The following GALR1 variants were observed in gnomAD, a reference collection of about 807,000 sequenced individuals.
The protein encoded by GALR1 is galanin receptor type 1.
GALR1 carries 11 observed loss-of-function variants against 17.9 expected under a neutral mutation model. The ratio of observed to expected loss-of-function variants is 0.62; its 90% CI spans 0.39 to 1.02. GALR1 has a LOEUF of 1.02. Among genes scored for constraint, GALR1 ranks in the 50% least tolerant of loss-of-function variants. The probability of loss-of-function intolerance (pLI) is 0.01; values close to 1 mark genes in which losing one functional copy is unlikely to be tolerated. For synonymous variants in GALR1, 206 were observed against 205.7 expected, an observed-to-expected ratio of 1.00 and a Z score of -0.01; for missense variants, 441 against 456.9, an observed-to-expected ratio of 0.97 and a Z score of 0.32.
In GALR1 at chr18:77,251,019, C is replaced by A. The variant is rs770393593; in HGVS notation, c.471C>A (p.Gly157=). 3 of 1,605,528 alleles carry A rather than the reference C, an allele frequency of 1.9e-6. No individual in the cohort carries two copies. The African/African-American group carries it at 4.0e-5, about 21-fold the overall frequency. Residue 157 remains glycine (G), a synonymous_variant, in exon 1 of 3, where the codon GGC becomes GGA. Transcript: ENST00000299727. ...CCCGCAACGCGCTGCTGGGCGTGGG[C>A]TGCATCTGGGCGCTGTCCATTGCCA... ...RVSRNALLGV[G]CIWALSIAMA...
intron 2 of GALR1, among the ~76,000 whole-genome samples, chr18:77,267,564 G>T (rs1912970009): frequency 6.6e-6 from 1 of 152,210 alleles, no homozygotes; most frequent in Non-Finnish European, 1.5e-5. Flanking sequence ...TTGTGTGTGG[G>T]TTTTGAGCTG....
Position 77,271,439 on chromosome 18 carries a change from T to G in GALR1, c.*2537T>G, listed in dbSNP as rs1406002532. 1 of 152,194 alleles carries G rather than the reference T, an allele frequency of 6.6e-6. No individual in the cohort carries two copies. The highest frequency in any genetic ancestry group is 1.5e-5 in the Non-Finnish European group (1 of 68,042). 9.4% of individuals were successfully genotyped at this position (152,194 alleles called of 1,614,324 possible). On this transcript the variant is annotated 3_prime_UTR_variant, in exon 3 of 3. Transcript: ENST00000299727. Reference sequence around the variant, plus strand: ...CAAAGATCTAAACCTCTACAAAATTTTCTGAATAAAGAGTTTCAGAAGAAC... The same window carrying G: ...CAAAGATCTAAACCTCTACAAAATTGTCTGAATAAAGAGTTTCAGAAGAAC...
Position 77,267,589 on chromosome 18 carries a change from C to A in GALR1, c.733-996C>A, listed in dbSNP as rs146978001. Among the ~76,000 whole-genome samples, 476 of 152,262 alleles carry A rather than the reference C, an allele frequency of 3.1e-3. 11 individuals carry two copies. The highest frequency in any genetic ancestry group is 0.027 in the Admixed American group (412 of 15,288). On this transcript the variant is annotated intron_variant, in intron 2 of 2. Coordinates refer to ENST00000299727, the MANE Select transcript of GALR1 (RefSeq NM_001480.4). ...GTTTTGAGCTGCACTTGTTAGAGAA[C>A]CATCTGTTTGAGGAGAGAACCAACT...
At chr18:77,266,166 C>T (rs952572863) in intron 2 of GALR1, among the ~76,000 whole-genome samples, 7 of 152,172 alleles carry the variant, frequency 4.6e-5, no homozygotes, top group Non-Finnish European at 1.0e-4. Context: ...CAAAGTTCCA[C>T]AGATCTCTAG....
At chr18:77,257,741 G>T (rs1912623465) in intron 2 of GALR1, among the ~76,000 whole-genome samples, 1 of 152,176 alleles carries the variant, frequency 6.6e-6, no homozygotes, top group Admixed American at 6.5e-5. Flanking sequence ...AGAGGAACTG[G>T]CTCCGCATGG....
chr18:77,261,542 G>C (rs1032424397), intron 2 of GALR1, among the ~76,000 whole-genome samples: 1 of 152,096 alleles, frequency 6.6e-6, no homozygotes, highest in Non-Finnish European at 1.5e-5. Context: ...CATAAACAAC[G>C]GAAATGTATT....
chr18:77,262,622 C>A (rs557939147), intron 2 of GALR1, among the ~76,000 whole-genome samples: 4 of 152,270 alleles, frequency 2.6e-5, no homozygotes, highest in East Asian at 3.9e-4. Flanking sequence ...AACCAGGAGG[C>A]CTTCAACTTC....
intron 2 of GALR1, among the ~76,000 whole-genome samples, chr18:77,263,722 ACAT>A (rs1464663686): frequency 6.6e-6 from 1 of 152,048 alleles, no homozygotes; most frequent in Non-Finnish European, 1.5e-5. Flanking sequence ...TCTTTGATAA[ACAT>A]CATTTCACGT....
chr18:77,252,950 T>TCACCACCACCACCACCACCACCACCAC (rs1912485693), intron 1 of GALR1, among the ~76,000 whole-genome samples: 3 of 25,274 alleles, frequency 1.2e-4, no homozygotes, highest in Non-Finnish European at 8.4e-5. Flanking sequence ...ACCACCACCA[T>TCACCACCACCACCACCACCACCACCAC]CACCACCATC....
rs958214776 is a variant in GALR1 at position 77,269,018 on chromosome 18, C to T, written c.*116C>T. ...TTGTTATCTTAACAAGAATTCAAGT[C>T]GTTTTAATTAAATCCCACGTGTGTT... On this transcript the variant is annotated 3_prime_UTR_variant, in exon 3 of 3. Coordinates refer to ENST00000299727, the MANE Select transcript of GALR1 (RefSeq NM_001480.4). 4.9e-5 allele frequency: 39 copies of T among 801,466 alleles called. No homozygotes were observed. In the South Asian group the frequency reaches 6.6e-4, roughly 13 times the overall value. 49.6% of individuals were successfully genotyped at this position (801,466 alleles called of 1,614,324 possible).
chr18:77,264,133 C>CAA (rs56102250), intron 2 of GALR1, among the ~76,000 whole-genome samples: 32 of 57,272 alleles, frequency 5.6e-4, no homozygotes, highest in Non-Finnish European at 6.4e-4. Context: ...GACTCCATCT[C>CAA]AAAAAAAAAA....
In GALR1 at chr18:77,250,673, T is replaced by C. The variant is rs762227529; in HGVS notation, c.125T>C (p.Leu42Pro). The stretch of plus-strand genomic sequence containing the variant: ...TTCGTCACGCTGGTGGTGTTCGGCC[T>C]GATCTTCGCGCTGGGTGTGCTGGGC... ...ENFVTLVVFG[L>P]IFALGVLGNS... The change falls in exon 1 of 3, where the codon CTG becomes CCG. Residue 42 changes from leucine (L) to proline (P), a missense_variant. By Grantham distance (98) the Leu-to-Pro change is moderately conservative (BLOSUM62 -3). Transcript: ENST00000299727. 1.9e-6 allele frequency: 3 copies of C among 1,612,282 alleles called. No individual in the cohort carries two copies. Among genetic ancestry groups the C allele is most frequent in the African/African-American group, 2.7e-5 (2 of 74,990 alleles).
chr18:77,267,068 A>G (rs1388164552), intron 2 of GALR1, among the ~76,000 whole-genome samples: 1 of 152,210 alleles, frequency 6.6e-6, no homozygotes, highest in Admixed American at 6.5e-5. Context: ...TTTGCGCTTA[A>G]TGTTCCTTTT....
intron 2 of GALR1, among the ~76,000 whole-genome samples, chr18:77,258,805 GGTGGTC>G (rs1373704927): frequency 2.8e-5 from 4 of 143,172 alleles, no homozygotes; most frequent in African/African-American, 1.1e-4. Context: ...TGATGGTGGT[GGTGGTC>G]ATAGTGGTGG....
In GALR1 at chr18:77,252,571, A is replaced by G. The variant is rs544779024; in HGVS notation, c.666+1357A>G. ...GGATATTATCTGAACGGCCTGCACC[A>G]AAAGGTTAAATATGAAGAAATACAG... On this transcript the variant is annotated intron_variant, in intron 1 of 2. Transcript: ENST00000299727. Among the ~76,000 whole-genome samples the G allele has an allele frequency of 2.6e-5, 4 of 152,276 alleles. No homozygotes were observed. In the South Asian group the frequency reaches 8.3e-4, roughly 32 times the overall value.
chr18:77,263,615 G>A (rs759825646), intron 2 of GALR1, among the ~76,000 whole-genome samples: 3 of 152,132 alleles, frequency 2.0e-5, no homozygotes, highest in Non-Finnish European at 4.4e-5. Context: ...TGTCCACCTC[G>A]CTAGTAGGAT....
At chr18:77,259,537 AG>A (rs936991123) in intron 2 of GALR1, among the ~76,000 whole-genome samples, 1 of 104,528 alleles carries the variant, frequency 9.6e-6, no homozygotes, top group Non-Finnish European at 2.0e-5. Flanking sequence ...TGGTGGTCAT[AG>A]GGGTGGTGGT....
intron 1 of GALR1, among the ~76,000 whole-genome samples, chr18:77,255,014 G>T (rs1912554534): frequency 6.6e-6 from 1 of 152,152 alleles, no homozygotes; most frequent in African/African-American, 2.4e-5. Flanking sequence ...TAATTGCTCT[G>T]AAAGTGCCTC....
rs114316140 is a variant in GALR1, at chr18:77,258,303, A to G, written c.732+2080A>G. Among the ~76,000 whole-genome samples, 877 of 152,326 alleles carry G rather than the reference A, an allele frequency of 5.8e-3. 9 individuals are homozygous for G. Among genetic ancestry groups the G allele is most frequent in the African/African-American group, 0.02 (846 of 41,574 alleles). On this transcript the variant is annotated intron_variant, in intron 2 of 2. Coordinates refer to ENST00000299727, the MANE Select transcript of GALR1 (RefSeq NM_001480.4). ...TCTTTTGCTTATTCTTACCATGAGG[A>G]TCTAGCATTTGAAGAAGGGATGAAG...
Sources: gnomAD v4.1 joint callset for allele counts (sites outside exome capture counted in the v4.1 genomes callset) on GRCh38, gnomAD v4.1.1 for gene constraint, MANE v1.5 for transcripts, NCBI Gene and HGNC (gene_info 2026-07-23, HGNC 2026-07-21) for gene names.